The following ZC3H12B variants were observed in gnomAD, a reference collection of about 807,000 sequenced individuals.
The protein encoded by ZC3H12B is probable ribonuclease ZC3H12B.
In ZC3H12B, 7 loss-of-function variants were observed where a neutral mutation model predicts 43.9. The observed-to-expected ratio is 0.16, with a 90% CI of 0.09 to 0.30. ZC3H12B has a LOEUF of 0.30. Ranked by LOEUF, ZC3H12B falls within the 10% of genes least tolerant of loss-of-function variation. The pLI is 1.00. For synonymous variants in ZC3H12B, 222 were observed against 241.7 expected, an observed-to-expected ratio of 0.92 and a Z score of 0.76; for missense variants, 475 against 670.2, an observed-to-expected ratio of 0.71 and a Z score of 3.22.
chrX:65,434,207 G>T (rs1199784865), intron 3 of ZC3H12B, among the ~76,000 whole-genome samples: 1 of 112,041 alleles, frequency 8.9e-6, no homozygotes, highest in Non-Finnish European at 1.9e-5. Context: ...GGCCTGCAGA[G>T]AAAAGAAACC....
the ZC3H12B span, among the ~76,000 whole-genome samples, chrX:65,136,092 G>T: frequency 9.0e-6 from 1 of 111,714 alleles, no homozygotes; most frequent in African/African-American, 3.2e-5. Context: ...TTAATATGAT[G>T]AATGATTTTC....
chrX:65,281,151 G>T, the ZC3H12B span, among the ~76,000 whole-genome samples: 1 of 109,672 alleles, frequency 9.1e-6, no homozygotes, highest in Non-Finnish European at 1.9e-5. Flanking sequence ...AAACAACATG[G>T]TACTGGCATT....
the ZC3H12B span, among the ~76,000 whole-genome samples, chrX:65,231,329 C>T: frequency 9.0e-6 from 1 of 110,980 alleles, no homozygotes; most frequent in Non-Finnish European, 1.9e-5. Context: ...TGATGAGGGT[C>T]CATGTCTCAC....
chrX:65,177,091 G>A, the ZC3H12B span, among the ~76,000 whole-genome samples: 6 of 112,077 alleles, frequency 5.4e-5, no homozygotes, highest in Non-Finnish European at 9.4e-5. Flanking sequence ...TGATCAAGTC[G>A]GCTTTATTGC....
chrX:65,212,663 T>G, the ZC3H12B span, among the ~76,000 whole-genome samples: 1 of 87,978 alleles, frequency 1.1e-5, no homozygotes, highest in Non-Finnish European at 2.1e-5. Flanking sequence ...ATATTATATA[T>G]AAATATATAT....
chrX:65,160,036 T>G, the ZC3H12B span, among the ~76,000 whole-genome samples: 2 of 112,187 alleles, frequency 1.8e-5, no homozygotes, highest in Admixed American at 1.9e-4. Flanking sequence ...GGTTTTTGTC[T>G]TTGGTTCGGA....
chrX:65,325,870 A>G, the ZC3H12B span, among the ~76,000 whole-genome samples: 1 of 111,795 alleles, frequency 8.9e-6, no homozygotes, highest in Non-Finnish European at 1.9e-5. Flanking sequence ...TGAACAGACT[A>G]TACAGCCCAG....
At chrX:65,259,353 T>G in the ZC3H12B span, among the ~76,000 whole-genome samples, 3 of 112,188 alleles carry the variant, frequency 2.7e-5, no homozygotes, top group Non-Finnish European at 5.6e-5. Flanking sequence ...GATAACTGTA[T>G]AGCCATATGC....
At chrX:65,063,484 C>T in the ZC3H12B span, among the ~76,000 whole-genome samples, 11 of 112,243 alleles carry the variant, frequency 9.8e-5, no homozygotes, top group Admixed American at 3.8e-4. Context: ...ATATATTGAA[C>T]CAGCCTTGCA....
chrX:65,071,083 A>G, the ZC3H12B span, among the ~76,000 whole-genome samples: 14 of 108,979 alleles, frequency 1.3e-4, no homozygotes, highest in East Asian at 3.4e-3. Flanking sequence ...TGTGTGTGAA[A>G]CAAAGTCTCT....
At chrX:65,202,573 AAAAC>A in the ZC3H12B span, among the ~76,000 whole-genome samples, 8 of 110,654 alleles carry the variant, frequency 7.2e-5, no homozygotes, top group South Asian at 3.8e-4. Context: ...CCTTTCTTTA[AAAAC>A]AAACAAACAA....
chrX:65,173,555 G>T, the ZC3H12B span, among the ~76,000 whole-genome samples: 8 of 111,545 alleles, frequency 7.2e-5, no homozygotes, highest in South Asian at 3.7e-4. Context: ...ATTGGCTATG[G>T]GTTTGTCATA....
the ZC3H12B span, among the ~76,000 whole-genome samples, chrX:65,213,632 A>T: frequency 9.0e-6 from 1 of 110,967 alleles, no homozygotes; most frequent in Non-Finnish European, 1.9e-5. Context: ...TTCTAGTCAG[A>T]TAACTATGAA....
chrX:65,108,289 C>T, the ZC3H12B span, among the ~76,000 whole-genome samples: 2 of 111,384 alleles, frequency 1.8e-5, no homozygotes, highest in Non-Finnish European at 3.8e-5. Flanking sequence ...ATTTTAAAAA[C>T]ATTTTAATTT....
At chrX:65,449,503 C>T (rs1206259533) in intron 3 of ZC3H12B, among the ~76,000 whole-genome samples, 1 of 110,184 alleles carries the variant, frequency 9.1e-6, no homozygotes, top group Non-Finnish European at 1.9e-5. Context: ...CCTGTAGTCC[C>T]AGCTACTCAG....
At chrX:65,362,122 G>A (rs2066111463), upstream of ZC3H12B, among the ~76,000 whole-genome samples, 1 of 111,964 alleles carries the variant, frequency 8.9e-6, no homozygotes, top group Non-Finnish European at 1.9e-5. Context: ...CAGAGTCCCT[G>A]GAACTCTGGC....
chrX:65,343,291 A>G, the ZC3H12B span, among the ~76,000 whole-genome samples: 2 of 112,095 alleles, frequency 1.8e-5, no homozygotes, highest in African/African-American at 6.5e-5. Flanking sequence ...ATTCAAAATA[A>G]TTAAGGAGGA....
At chrX:65,186,078 A>T in the ZC3H12B span, 3 of 111,731 alleles carry the variant, frequency 2.7e-5, no homozygotes, top group East Asian at 5.6e-4. Flanking sequence ...ATAGAAAATA[A>T]TTTTCTGACA....
the ZC3H12B span, chrX:65,272,324 A>G: frequency 3.6e-5 from 4 of 110,841 alleles, no homozygotes; most frequent in African/African-American, 1.3e-4. Flanking sequence ...GTCTCTTCTA[A>G]TTGGTGCTCT....
Sources: gnomAD v4.1 joint callset for allele counts (sites outside exome capture counted in the v4.1 genomes callset) on GRCh38, gnomAD v4.1.1 for gene constraint, MANE v1.5 for transcripts, NCBI Gene and HGNC (gene_info 2026-07-23, HGNC 2026-07-21) for gene names.